The following ZNF804B variants were observed in gnomAD, a reference collection of about 807,000 sequenced individuals.
ZNF804B encodes the protein zinc finger 804B.
In ZNF804B, 80 loss-of-function variants were observed where a neutral mutation model predicts 101.4. The ratio of observed to expected loss-of-function variants is 0.79; its 90% confidence interval spans 0.66 to 0.95. The LOEUF is 0.95. Ranked by LOEUF, ZNF804B falls within the 40% of genes least tolerant of loss-of-function variation. The pLI, the probability that ZNF804B is intolerant of heterozygous loss-of-function variation, is 0.00. For missense variants in ZNF804B, 1,673 were observed against 1,561.9 expected, an observed-to-expected ratio of 1.07 and a Z score of -1.20; for synonymous variants, 622 against 558.8, an observed-to-expected ratio of 1.11 and a Z score of -1.59.
chr7:89,119,026 C>A (rs996968226), intron 1 of ZNF804B, among the ~76,000 whole-genome samples: 1 of 152,024 alleles, frequency 6.6e-6, no homozygotes, highest in Non-Finnish European at 1.5e-5. Context: ...CTTTTTTGAT[C>A]TTATAAGCCA....
intron 1 of ZNF804B, among the ~76,000 whole-genome samples, chr7:88,807,406 A>C (rs942258025): frequency 2.0e-5 from 3 of 152,218 alleles, no homozygotes; most frequent in Non-Finnish European, 4.4e-5. Flanking sequence ...AATAAAATTC[A>C]ACCACACCAT....
chr7:89,097,957 T>A (rs1434447674), intron 1 of ZNF804B, among the ~76,000 whole-genome samples: 1 of 152,190 alleles, frequency 6.6e-6, no homozygotes, highest in Admixed American at 6.5e-5. Flanking sequence ...TTAGCTGTCA[T>A]TTACCTAGCA....
At chr7:89,181,936 A>G (rs1006878403) in intron 1 of ZNF804B, among the ~76,000 whole-genome samples, 8 of 152,162 alleles carry the variant, frequency 5.3e-5, no homozygotes, top group South Asian at 2.1e-4. Context: ...ATCCTAAGAG[A>G]CCCTTTATAT....
intron 1 of ZNF804B, among the ~76,000 whole-genome samples, chr7:88,889,590 C>G (rs1423235843): frequency 1.3e-5 from 2 of 152,128 alleles, no homozygotes; most frequent in Non-Finnish European, 2.9e-5. Flanking sequence ...TGTATGTCTT[C>G]TTTTGAGAAG....
chr7:88,813,956 A>G, intron 1 of ZNF804B, among the ~76,000 whole-genome samples: 1 of 152,180 alleles, frequency 6.6e-6, no homozygotes, highest in Non-Finnish European at 1.5e-5. Context: ...AATTCTTGAC[A>G]TGCATAGCCA....
At chr7:89,288,002 C>T (rs750380457) in intron 2 of ZNF804B, among the ~76,000 whole-genome samples, 1 of 150,308 alleles carries the variant, frequency 6.7e-6, no homozygotes, top group Non-Finnish European at 1.5e-5. Context: ...TATATCATTA[C>T]AATGTTCAGC....
chr7:89,086,004 T>C (rs1446356146), intron 1 of ZNF804B, among the ~76,000 whole-genome samples: 1 of 152,014 alleles, frequency 6.6e-6, no homozygotes, highest in Non-Finnish European at 1.5e-5. Flanking sequence ...GTATTTTGCA[T>C]TTTCTACATG....
chr7:89,081,190 C>G (rs1789692746), intron 1 of ZNF804B, among the ~76,000 whole-genome samples: 1 of 151,782 alleles, frequency 6.6e-6, no homozygotes, highest in Non-Finnish European at 1.5e-5. Flanking sequence ...CACTAGACAG[C>G]TCAGGGCTAG....
In ZNF804B at chr7:89,334,851, G is replaced by A. The variant is rs138319595; in HGVS notation, c.1869G>A (p.Glu623=). Residue 623 remains glutamate (E), a synonymous_variant, in exon 4 of 4, where the codon GAG becomes GAA. Transcript: ENST00000333190. ...AGGCAGTTCTAAATGATATAGATGA[G>A]GACCTATCTTTTCCTTCCTACATCT... is the stretch of plus-strand genomic sequence containing the variant. ...CRKAVLNDID[E]DLSFPSYISR... The A allele has an allele frequency of 2.5e-6, 4 of 1,613,744 alleles. No homozygotes were observed. The highest frequency in any genetic ancestry group is 2.5e-6 in the Non-Finnish European group (3 of 1,179,842).
chr7:88,818,735 C>T (rs1295579647), intron 1 of ZNF804B, among the ~76,000 whole-genome samples: 3 of 152,156 alleles, frequency 2.0e-5, no homozygotes, highest in Non-Finnish European at 4.4e-5. Flanking sequence ...CTTAGTTACT[C>T]ATTAATGTTA....
At chr7:88,774,320 G>A (rs987803015) in intron 1 of ZNF804B, among the ~76,000 whole-genome samples, 3 of 151,724 alleles carry the variant, frequency 2.0e-5, no homozygotes, top group African/African-American at 4.8e-5. Context: ...TGCAGCCTAT[G>A]GGCCAGTACC....
intron 1 of ZNF804B, among the ~76,000 whole-genome samples, chr7:88,965,397 C>T (rs1026402654): frequency 2.0e-5 from 3 of 151,254 alleles, no homozygotes; most frequent in Non-Finnish European, 3.0e-5. Context: ...TAAGTCCATG[C>T]GTAGAGTGGA....
At chr7:88,967,716 CAAAAAAA>C (rs3034332) in intron 1 of ZNF804B, among the ~76,000 whole-genome samples, 2 of 125,410 alleles carry the variant, frequency 1.6e-5, no homozygotes, top group Non-Finnish European at 1.7e-5. Flanking sequence ...ATTGAAAAAG[CAAAAAAA>C]AAAAAAAAAA....
intron 1 of ZNF804B, among the ~76,000 whole-genome samples, chr7:88,991,965 G>C (rs1426530222): frequency 6.6e-6 from 1 of 152,036 alleles, no homozygotes; most frequent in Non-Finnish European, 1.5e-5. Flanking sequence ...CTTTCTCTAC[G>C]TTTATTTCCC....
chr7:89,183,380 C>G (rs1788328021), intron 1 of ZNF804B, among the ~76,000 whole-genome samples: 1 of 151,722 alleles, frequency 6.6e-6, no homozygotes, highest in Non-Finnish European at 1.5e-5. Flanking sequence ...TTAAATTAAA[C>G]TAGAGAGTAA....
chr7:89,066,692 A>G (rs1789460053), intron 1 of ZNF804B, among the ~76,000 whole-genome samples: 2 of 152,116 alleles, frequency 1.3e-5, no homozygotes, highest in African/African-American at 4.8e-5. Context: ...TGTATAGAAA[A>G]ATTATTTTTA....
At chr7:89,252,263 C>T (rs1283999247) in intron 2 of ZNF804B, among the ~76,000 whole-genome samples, 1 of 151,950 alleles carries the variant, frequency 6.6e-6, no homozygotes, top group Non-Finnish European at 1.5e-5. Context: ...ACAGACAATT[C>T]CCAAAAGAAG....
intron 1 of ZNF804B, among the ~76,000 whole-genome samples, chr7:88,831,554 G>A (rs1369188918): frequency 1.3e-5 from 2 of 151,190 alleles, no homozygotes; most frequent in African/African-American, 2.4e-5. Context: ...CTTTTGTCAC[G>A]TTTTGACAAA....
chr7:89,177,313 G>A (rs982471503), intron 1 of ZNF804B, among the ~76,000 whole-genome samples: 1 of 151,970 alleles, frequency 6.6e-6, no homozygotes, highest in African/African-American at 2.4e-5. Context: ...TTGGTGTGTT[G>A]TGTTTTCATT....
Sources: gnomAD v4.1 joint callset for allele counts (sites outside exome capture counted in the v4.1 genomes callset) on GRCh38, gnomAD v4.1.1 for gene constraint, MANE v1.5 for transcripts, NCBI Gene and HGNC (gene_info 2026-07-23, HGNC 2026-07-21) for gene names.